Variants in TM9SF2 observed in about 807,000 individuals in gnomAD.
The protein encoded by TM9SF2 is transmembrane 9 superfamily member 2.
In TM9SF2, 13 loss-of-function variants were observed where a neutral mutation model predicts 84.9. The ratio of observed to expected loss-of-function variants is 0.15; its 90% CI spans 0.10 to 0.24. TM9SF2 has a LOEUF of 0.24. Among genes scored for constraint, TM9SF2 ranks in the 10% least tolerant of loss-of-function variants. The pLI is 1.00. For missense variants in TM9SF2, 562 were observed against 818.5 expected (o/e 0.69, Z 3.82); for synonymous variants, 273 against 285.8 (o/e 0.96, Z 0.45).
rs1260248911 is a variant in TM9SF2, at chr13:99,554,283, TC to T, written c.1489-19del. The T allele has an allele frequency of 1.2e-6, 2 of 1,601,884 alleles. No homozygotes were observed. On this transcript the variant is annotated intron_variant, in intron 13 of 16. Coordinates refer to ENST00000376387, the MANE Select transcript of TM9SF2 (RefSeq NM_004800.3). ...AGACAGATACGTAATTATGAATTCT[TC>T]CTTCCTTTTTTTACTGAAGGCCATT... is the stretch of plus-strand genomic sequence containing the variant.
At chr13:99,530,856 CAT>C (rs36123432) in intron 4 of TM9SF2, among the ~76,000 whole-genome samples, 26,312 of 151,686 alleles carry the variant, frequency 0.17, 2,464 homozygotes, top group Non-Finnish European at 0.2. Context: ...AATATTCAAA[CAT>C]AGAATTTTTT....
At chr13:99,561,641 ATTTCCCAC>A (rs2046345446) in intron 16 of TM9SF2, among the ~76,000 whole-genome samples, 1 of 152,188 alleles carries the variant, frequency 6.6e-6, no homozygotes, top group Non-Finnish European at 1.5e-5. Context: ...GATGTTTGTA[ATTTCCCAC>A]GGTAATGTCC....
intron 1 of TM9SF2, among the ~76,000 whole-genome samples, chr13:99,515,790 T>C (rs2046131605): frequency 6.7e-6 from 1 of 149,292 alleles, no homozygotes; most frequent in East Asian, 2.0e-4. Context: ...TGGAGTGTAG[T>C]GGTGTGATCT....
intron 4 of TM9SF2, 95 bp downstream of exon 4, chr13:99,529,689 A>G (rs1173116183): frequency 1.6e-6 from 2 of 1,282,772 alleles, no homozygotes; most frequent in African/African-American, 1.5e-5. Context: ...TGTAAAATAT[A>G]GCAAATTAAT....
intron 3 of TM9SF2, among the ~76,000 whole-genome samples, chr13:99,523,737 C>G (rs144090944): frequency 6.6e-6 from 1 of 152,308 alleles, no homozygotes; most frequent in Non-Finnish European, 1.5e-5. Flanking sequence ...ACAAAAATCT[C>G]TGTCCTCATG....
chr13:99,563,615 C>T lies in TM9SF2; in HGVS notation c.*857C>T, dbSNP rs574714517. ...GAGGTTGAAGTCATGCATATCTAGACAGATGAATTATCTGCAAGTACTTAA... is the reference window on the plus strand; with the variant it reads ...GAGGTTGAAGTCATGCATATCTAGATAGATGAATTATCTGCAAGTACTTAA... On this transcript the variant is annotated 3_prime_UTR_variant, in exon 17 of 17. Coordinates refer to ENST00000376387, the MANE Select transcript of TM9SF2 (RefSeq NM_004800.3). 9.2e-5 allele frequency: 14 copies of T among 152,328 alleles called. No homozygotes were observed. The East Asian group carries it at 2.7e-3, about 29-fold the overall frequency. The allele number at this position is 152,328 out of a possible 1,614,324, so 9.4% of individuals were successfully genotyped here. A position where few individuals can be genotyped will look rare whatever the true frequency, so the allele number is the denominator to read the frequency against.
At chr13:99,507,355 A>G (rs1275445322) in intron 1 of TM9SF2, among the ~76,000 whole-genome samples, 3 of 152,142 alleles carry the variant, frequency 2.0e-5, no homozygotes, top group Non-Finnish European at 2.9e-5. Context: ...TATCTATTAT[A>G]TGTAATTTTC....
At chr13:99,549,101 A>G (rs2139105779) in intron 11 of TM9SF2, 64 bp from the exon 12 acceptor site, 1 of 1,414,484 alleles carries the variant, frequency 7.1e-7, no homozygotes, top group South Asian at 1.2e-5. Context: ...CAGACTTGTA[A>G]TATGGATATT....
chr13:99,505,054 T>C (rs1000152260), intron 1 of TM9SF2, among the ~76,000 whole-genome samples: 2 of 152,216 alleles, frequency 1.3e-5, no homozygotes, highest in Admixed American at 6.5e-5. Context: ...CTTTCAACAA[T>C]GATAGGTTTG....
chr13:99,521,575 G>A (rs56984133), intron 3 of TM9SF2, among the ~76,000 whole-genome samples: 4 of 152,050 alleles, frequency 2.6e-5, no homozygotes, highest in South Asian at 4.2e-4. Flanking sequence ...CTCACCAACC[G>A]TCTTACTCCC....
intron 3 of TM9SF2, among the ~76,000 whole-genome samples, chr13:99,520,555 A>G (rs1158444160): frequency 2.0e-5 from 3 of 151,820 alleles, no homozygotes; most frequent in African/African-American, 7.3e-5. Context: ...CCGCACTGGG[A>G]TTTTTGGAAG....
intron 16 of TM9SF2, 74 bp from the exon 17 acceptor site, chr13:99,562,617 T>C (rs531663858): frequency 2.4e-5 from 35 of 1,446,382 alleles, no homozygotes; most frequent in Non-Finnish European, 3.3e-5. Context: ...AACCAGTCAT[T>C]GTAAGTCTGT....
intron 1 of TM9SF2, among the ~76,000 whole-genome samples, chr13:99,511,931 C>T (rs1291428851): frequency 6.6e-6 from 1 of 152,166 alleles, no homozygotes; most frequent in Non-Finnish European, 1.5e-5. Context: ...GTTAAAGAAG[C>T]AAGGAATCCC....
intron 1 of TM9SF2, among the ~76,000 whole-genome samples, chr13:99,507,916 AC>A (rs982894964): frequency 6.6e-6 from 1 of 152,184 alleles, no homozygotes; most frequent in African/African-American, 2.4e-5. Context: ...GCAGAAACGA[AC>A]TAGGAAATGG....
chr13:99,547,191 C>A, intron 11 of TM9SF2, 87 bp downstream of exon 11: 3 of 1,566,958 alleles, frequency 1.9e-6, no homozygotes, highest in South Asian at 2.3e-5. Flanking sequence ...GATGGTGATG[C>A]TTTGTAAATA....
chr13:99,535,977 C>T (rs2046232253), intron 4 of TM9SF2, among the ~76,000 whole-genome samples: 2 of 152,226 alleles, frequency 1.3e-5, no homozygotes, highest in Non-Finnish European at 2.9e-5. Flanking sequence ...TTATAGTTTT[C>T]ACAGAATTTT....
chr13:99,547,099 A>G lies in TM9SF2; in HGVS notation c.1265A>G (p.Tyr422Cys). ...TPAGYVAARF[Y>C]KSFGGEKWKT... Reference sequence around the variant, plus strand: ...GCAGGCTATGTTGCTGCCAGATTCTATAAGTGTAAGTCAAAGCCACTGTGA... The same window carrying G: ...GCAGGCTATGTTGCTGCCAGATTCTGTAAGTGTAAGTCAAAGCCACTGTGA... The change falls in exon 11 of 17, where the codon TAT becomes TGT. Residue 422 changes from tyrosine (Y) to cysteine (C), a missense_variant. Physicochemically the swap from Tyr to Cys is radical, Grantham distance 194. This residue lies in a region of TM9SF2 where 219 missense variants were observed against 338.1 expected (regional missense o/e 0.65). Coordinates refer to ENST00000376387, the MANE Select transcript of TM9SF2 (RefSeq NM_004800.3). 1.2e-6 allele frequency: 2 copies of G among 1,614,102 alleles called. No individual in the cohort carries two copies. Among genetic ancestry groups the G allele is most frequent in the Non-Finnish European group, 1.7e-6 (2 of 1,180,002 alleles).
intron 9 of TM9SF2, among the ~76,000 whole-genome samples, chr13:99,542,016 G>T (rs1047742494): frequency 3.3e-5 from 5 of 152,210 alleles, no homozygotes; most frequent in Middle Eastern, 3.4e-3. Context: ...TGGGTGTGGT[G>T]GTGGGGACCT....
intron 2 of TM9SF2, 104 bp downstream of exon 2, chr13:99,517,785 A>AT: frequency 1.5e-6 from 1 of 667,390 alleles, no homozygotes; most frequent in Non-Finnish European, 2.3e-6. Context: ...GCCTGAAAAT[A>AT]TTTTTTAAGG....
Sources: allele counts gnomAD v4.1 joint callset (sites outside exome capture counted in the v4.1 genomes callset), GRCh38; gene constraint gnomAD v4.1.1; regional missense constraint gnomAD v4.1.1; transcripts MANE v1.5; gene names NCBI Gene and HGNC (gene_info 2026-07-23, HGNC 2026-07-21).